The following ZCWPW2 variants were observed in gnomAD, a reference collection of about 807,000 sequenced individuals.
ZCWPW2 encodes the protein zinc finger CW-type PWWP domain protein 2.
Under a neutral mutation model 46.6 loss-of-function variants are expected in ZCWPW2, and 45 were observed. That is an observed-to-expected ratio of 0.96 (90% CI 0.76 to 1.24). ZCWPW2 has a LOEUF of 1.24. Ranked by LOEUF, ZCWPW2 falls within the 50% of genes most tolerant of loss-of-function variation. The pLI is 0.00. For missense variants in ZCWPW2, 429 were observed against 403.9 expected (o/e 1.06, Z -0.53); for synonymous variants, 152 against 137.1 (o/e 1.11, Z -0.76).
In ZCWPW2 at chr3:28,514,060, A is replaced by G. The variant is rs183076633; in HGVS notation, c.658-4A>G. On this transcript the variant is annotated splice_polypyrimidine_tract_variant and splice_region_variant and intron_variant, in intron 6 of 9. Coordinates refer to ENST00000383768, the MANE Select transcript of ZCWPW2 (RefSeq NM_001040432.4). ...TAACTCATATTTTTGTTTTTGTGTTATAGAAGCAGACTTCTAAAAATAATA... is the reference window on the plus strand; with the variant it reads ...TAACTCATATTTTTGTTTTTGTGTTGTAGAAGCAGACTTCTAAAAATAATA... The G allele has an allele frequency of 6.6e-6, 10 of 1,505,454 alleles. No homozygotes were observed. In the African/African-American group the frequency reaches 9.7e-5, roughly 15 times the overall value. 93.3% of individuals were successfully genotyped at this position (1,505,454 alleles called of 1,614,324 possible).
At chr3:28,511,144 C>T (rs1700415878) in intron 6 of ZCWPW2, 1 of 437,646 alleles carries the variant, frequency 2.3e-6, no homozygotes, top group African/African-American at 2.0e-5. Flanking sequence ...GTATGACAAT[C>T]TGGAAGATGA....
chr3:28,397,463 A>G (rs1031248521), intron 2 of ZCWPW2, among the ~76,000 whole-genome samples: 5 of 152,220 alleles, frequency 3.3e-5, no homozygotes, highest in African/African-American at 7.2e-5. Context: ...TGAGGTCAGG[A>G]GTTTGAGACC....
intron 2 of ZCWPW2, among the ~76,000 whole-genome samples, chr3:28,411,325 A>G (rs2125739072): frequency 6.6e-6 from 1 of 152,124 alleles, no homozygotes; most frequent in Non-Finnish European, 1.5e-5. Context: ...ATTAAACACC[A>G]CATTATGATT....
intron 4 of ZCWPW2, among the ~76,000 whole-genome samples, chr3:28,474,226 C>G (rs1174974459): frequency 6.6e-6 from 1 of 152,124 alleles, no homozygotes; most frequent in Admixed American, 6.5e-5. Flanking sequence ...CAGAAGTGTT[C>G]TGCAAGGTGT....
At chr3:28,389,590 T>C (rs1334228886) in intron 1 of ZCWPW2, among the ~76,000 whole-genome samples, 1 of 152,150 alleles carries the variant, frequency 6.6e-6, no homozygotes, top group Non-Finnish European at 1.5e-5. Flanking sequence ...CAGAGACCAA[T>C]TACAGAATTC....
intron 1 of ZCWPW2, among the ~76,000 whole-genome samples, chr3:28,377,881 A>T (rs560667467): frequency 6.6e-6 from 1 of 152,176 alleles, no homozygotes; most frequent in South Asian, 2.1e-4. Flanking sequence ...CAATTTATCA[A>T]ATTTCCAATT....
intron 1 of ZCWPW2, among the ~76,000 whole-genome samples, chr3:28,352,286 A>G (rs1704582849): frequency 6.6e-6 from 1 of 152,052 alleles, no homozygotes; most frequent in African/African-American, 2.4e-5. Context: ...TTTACCCTTA[A>G]CCTTGAGAGG....
intron 6 of ZCWPW2, among the ~76,000 whole-genome samples, chr3:28,493,150 G>GTTTTTTTTTTTTTTTTT (rs11426112): frequency 2.4e-5 from 2 of 82,060 alleles, no homozygotes; most frequent in Non-Finnish European, 4.7e-5. Context: ...TTTTTTTAAT[G>GTTTTTTTTTTTTTTTTT]TTTTTTTTTT....
chr3:28,417,114 A>C (rs1365680863), intron 3 of ZCWPW2, among the ~76,000 whole-genome samples: 1 of 151,330 alleles, frequency 6.6e-6, no homozygotes, highest in East Asian at 1.9e-4. Context: ...AGGAAGACTA[A>C]TAAAGAAGAA....
At chr3:28,352,332 A>C (rs959762006) in intron 1 of ZCWPW2, among the ~76,000 whole-genome samples, 1 of 152,170 alleles carries the variant, frequency 6.6e-6, no homozygotes, top group Non-Finnish European at 1.5e-5. Context: ...TATATAGTTA[A>C]GGATAGTTTA....
intron 6 of ZCWPW2, among the ~76,000 whole-genome samples, chr3:28,504,943 T>C (rs1479591277): frequency 2.6e-5 from 4 of 152,172 alleles, no homozygotes; most frequent in Non-Finnish European, 4.4e-5. Flanking sequence ...TGGATTTTCA[T>C]GGTCTATCTC....
At chr3:28,413,547 T>C in intron 3 of ZCWPW2, 147 bp downstream of exon 3, 1 of 693,188 alleles carries the variant, frequency 1.4e-6, no homozygotes, top group East Asian at 2.9e-5. Flanking sequence ...TTTGGATTTT[T>C]TTCTAGCTTT....
intron 6 of ZCWPW2, among the ~76,000 whole-genome samples, chr3:28,493,507 C>T (rs1699897042): frequency 8.4e-6 from 1 of 119,628 alleles, no homozygotes; most frequent in Admixed American, 9.3e-5. Context: ...GCATAGTATT[C>T]CATGGTGTAT....
chr3:28,412,944 G>A (rs1015414387), intron 2 of ZCWPW2, 112 bp from the exon 3 acceptor site: 1 of 744,362 alleles, frequency 1.3e-6, no homozygotes, highest in African/African-American at 1.8e-5. Flanking sequence ...GGATAGAGAG[G>A]GGGTGGGCAT....
intron 4 of ZCWPW2, among the ~76,000 whole-genome samples, chr3:28,472,749 T>G (rs1388974015): frequency 6.6e-6 from 1 of 152,024 alleles, no homozygotes; most frequent in Non-Finnish European, 1.5e-5. Flanking sequence ...AAAAAACTTC[T>G]GCACAACAAA....
chr3:28,421,333 C>T (rs1048286186), intron 3 of ZCWPW2, among the ~76,000 whole-genome samples: 5 of 152,118 alleles, frequency 3.3e-5, no homozygotes, highest in Admixed American at 6.5e-5. Context: ...AAAATCTTGG[C>T]TTCCTACTAA....
chr3:28,420,303 G>T (rs961890505), intron 3 of ZCWPW2, among the ~76,000 whole-genome samples: 1 of 151,952 alleles, frequency 6.6e-6, no homozygotes, highest in Admixed American at 6.6e-5. Context: ...TCTACACACT[G>T]CTTTGAATGT....
chr3:28,495,740 A>G lies in ZCWPW2; in HGVS notation c.657+3567A>G, dbSNP rs138030262. Among the ~76,000 whole-genome samples the G allele has an allele frequency of 2.5e-3, 380 of 152,088 alleles. 1 individual carries two copies. The highest frequency in any genetic ancestry group is 8.4e-3 in the African/African-American group (347 of 41,514). On this transcript the variant is annotated intron_variant, in intron 6 of 9. Transcript: ENST00000383768. Reference sequence around the variant, plus strand: ...TTTATTTAATAAAAGTATGGATCTCAGATAGACTGGGGAAAAAACTGATCC... The same window carrying G: ...TTTATTTAATAAAAGTATGGATCTCGGATAGACTGGGGAAAAAACTGATCC...
intron 3 of ZCWPW2, among the ~76,000 whole-genome samples, chr3:28,431,310 G>C (rs1697248669): frequency 6.6e-6 from 1 of 152,098 alleles, no homozygotes; most frequent in Non-Finnish European, 1.5e-5. Flanking sequence ...ATAACAAAAT[G>C]TCACAGACTG....
Sources: allele counts gnomAD v4.1 joint callset (sites outside exome capture counted in the v4.1 genomes callset), GRCh38; gene constraint gnomAD v4.1.1; transcripts MANE v1.5; gene names NCBI Gene and HGNC (gene_info 2026-07-23, HGNC 2026-07-21).